TRAPPC12: variants seen among roughly 807,000 people sequenced by gnomAD.
TRAPPC12 encodes the protein trafficking protein particle complex subunit 12.
TRAPPC12 carries 61 observed loss-of-function variants against 69.2 expected under a neutral mutation model. That is an observed-to-expected ratio of 0.88 (90% confidence interval 0.72 to 1.09). The LOEUF (loss-of-function observed/expected upper bound fraction) is 1.09. Among genes scored for constraint, TRAPPC12 ranks in the 50% least tolerant of loss-of-function variants. TRAPPC12 has a pLI of 0.00. For synonymous variants in TRAPPC12, 469 were observed against 438.9 expected (o/e 1.07, Z -0.86); for missense variants, 1,101 against 1,016.4 (o/e 1.08, Z -1.13).
rs1036286581 is a variant in TRAPPC12, at chr2:3,388,466, G to T, written c.843G>T (p.Ala281=). The T allele has an allele frequency of 1.2e-6, 2 of 1,611,968 alleles. No homozygotes were observed. The highest frequency in any genetic ancestry group is 1.7e-6 in the Non-Finnish European group (2 of 1,179,408). ...AAPPASPEPF[A]HIQAVFAGSD... The stretch of plus-strand genomic sequence containing the variant: ...CCCCGGCGTCGCCAGAGCCTTTCGC[G>T]CACATCCAGGCAGTGTTTGCAGGGA... The change falls in exon 2 of 12, where the codon GCG becomes GCT. Residue 281 remains alanine, a synonymous_variant. Transcript: ENST00000324266.
chr2:3,455,896 A>C (rs1317317490), intron 6 of TRAPPC12: 1 of 152,114 alleles, frequency 6.6e-6, no homozygotes, highest in East Asian at 1.9e-4. Flanking sequence ...GTTGTATGGT[A>C]GCTCTATTTT....
chr2:3,428,499 T>C (rs1290999605), intron 5 of TRAPPC12, among the ~76,000 whole-genome samples: 3 of 152,304 alleles, frequency 2.0e-5, no homozygotes, highest in East Asian at 3.9e-4. Context: ...CTTTAATATA[T>C]TTCATGTAAA....
chr2:3,477,604 A>C (rs947438463), intron 9 of TRAPPC12, 91 bp from the exon 10 acceptor site: 3 of 665,870 alleles, frequency 4.5e-6, no homozygotes, highest in Middle Eastern at 3.8e-4. Context: ...AAATGTCTTC[A>C]TATTCTAACA....
chr2:3,463,878 G>A (rs1385446654), intron 8 of TRAPPC12, among the ~76,000 whole-genome samples: 3 of 152,164 alleles, frequency 2.0e-5, no homozygotes, highest in Non-Finnish European at 4.4e-5. Flanking sequence ...GTGCTCGGAA[G>A]CCTACTTCCT....
chr2:3,401,866 A>C lies in TRAPPC12; in HGVS notation c.1137A>C (p.Gln379His). The C allele has an allele frequency of 6.3e-7, 1 of 1,593,556 alleles. No homozygotes were observed. Among genetic ancestry groups the C allele is most frequent in the Non-Finnish European group, 8.5e-7 (1 of 1,172,080 alleles). The change falls in exon 3 of 12, where the codon CAA becomes CAC. Residue 379 changes from glutamine to histidine, a missense_variant. Coordinates refer to ENST00000324266, the MANE Select transcript of TRAPPC12 (RefSeq NM_016030.6). ...TCCTAAATGCCGACTCAGTGGAACA[A>C]TCTTTTGTTGGATTGAAACAGCTAA... ...RQVLNADSVE[Q>H]SFVGLKQLIS...
intron 1 of TRAPPC12, 55 bp from the exon 2 acceptor site, chr2:3,387,564 CG>C: frequency 7.5e-7 from 1 of 1,328,516 alleles, no homozygotes; most frequent in Non-Finnish European, 1.0e-6. Flanking sequence ...ACTCATTTTT[CG>C]GTTGAGGTGA....
intron 6 of TRAPPC12, chr2:3,456,903 A>T (rs1160558398): frequency 3.0e-6 from 1 of 335,276 alleles, no homozygotes; most frequent in African/African-American, 2.3e-5. Context: ...TACAGGCTTG[A>T]TGCTTTTCTT....
rs577940229 is a variant in TRAPPC12 at position 3,426,771 on chromosome 2, C to G, written c.1417+2108C>G. Reference sequence around the variant, plus strand: ...GAGCAGGGCTTTATCCATCCTCTCTCCCCCGGAGCAAGTCTCGTCTACGTC... The same window carrying G: ...GAGCAGGGCTTTATCCATCCTCTCTGCCCCGGAGCAAGTCTCGTCTACGTC... On this transcript the variant is annotated intron_variant, in intron 5 of 11. Coordinates refer to ENST00000324266, the MANE Select transcript of TRAPPC12 (RefSeq NM_016030.6). Among the ~76,000 whole-genome samples, 5 of 152,342 alleles carry G rather than the reference C, an allele frequency of 3.3e-5. No homozygotes were observed. In the East Asian group the frequency reaches 9.7e-4, roughly 29 times the overall value.
At chr2:3,478,022 C>G (rs1666370324) in intron 10 of TRAPPC12, 2 of 398,170 alleles carry the variant, frequency 5.0e-6, no homozygotes, top group South Asian at 1.5e-4. Context: ...CCCCCTTGTT[C>G]TTCAGAGAAG....
rs376532700 is a variant in TRAPPC12, at chr2:3,387,731, C to T, written c.108C>T (p.Ile36=). Residue 36 remains isoleucine (I), a synonymous_variant, in exon 2 of 12, where the codon ATC becomes ATT. Transcript: ENST00000324266. ...EQGLLFQEET[I]DLGGDEFGSE... Reference sequence around the variant, plus strand: ...GGTTGCTCTTCCAGGAGGAAACCATCGATCTTGGCGGAGATGAGTTTGGAT... The same window carrying T: ...GGTTGCTCTTCCAGGAGGAAACCATTGATCTTGGCGGAGATGAGTTTGGAT... 96 of 1,606,842 alleles carry T rather than the reference C, an allele frequency of 6.0e-5. No homozygotes were observed. The African/African-American group carries it at 1.2e-3, about 20-fold the overall frequency.
At chr2:3,401,223 G>A (rs1180059858) in intron 2 of TRAPPC12, among the ~76,000 whole-genome samples, 2 of 152,240 alleles carry the variant, frequency 1.3e-5, no homozygotes, top group Non-Finnish European at 2.9e-5. Flanking sequence ...CCTCAGCACT[G>A]AAGAGAGGGC....
At chr2:3,451,150 A>G (rs1436803485) in intron 6 of TRAPPC12, among the ~76,000 whole-genome samples, 1 of 152,154 alleles carries the variant, frequency 6.6e-6, no homozygotes, top group East Asian at 1.9e-4. Flanking sequence ...AAGGCGTGTA[A>G]TTTTCTTCAT....
In TRAPPC12 at chr2:3,387,763, A is replaced by G; in HGVS notation, c.140A>G (p.Glu47Gly). The G allele has an allele frequency of 6.2e-7, 1 of 1,612,834 alleles. No homozygotes were observed. The highest frequency in any genetic ancestry group is 2.2e-5 in the East Asian group (1 of 44,788). ...DLGGDEFGSE[E>G]NETASEGSSP... ...GGCGGAGATGAGTTTGGATCCGAAG[A>G]GAACGAGACCGCATCGGAAGGCTCG... Residue 47 changes from glutamate to glycine, a missense_variant, in exon 2 of 12, where the codon GAG (glutamate) becomes GGG (glycine). Glu to Gly is a moderately conservative substitution (Grantham distance 98). Transcript: ENST00000324266.
chr2:3,380,691 C>T (rs1452638872), intron 1 of TRAPPC12, among the ~76,000 whole-genome samples: 1 of 152,180 alleles, frequency 6.6e-6, no homozygotes, highest in Non-Finnish European at 1.5e-5. Flanking sequence ...TGAAATATTA[C>T]ACAGTGTTAC....
intron 3 of TRAPPC12, among the ~76,000 whole-genome samples, chr2:3,420,742 G>A (rs955695102): frequency 3.9e-5 from 6 of 152,192 alleles, no homozygotes; most frequent in South Asian, 2.1e-4. Context: ...CCTCCTAGGC[G>A]TTTCATGAGC....
Position 3,388,620 on chromosome 2 carries a change from G to C in TRAPPC12, c.997G>C (p.Val333Leu). The C allele has an allele frequency of 1.3e-6, 2 of 1,596,696 alleles. No individual in the cohort carries two copies. ...CACCCAGCAGCGCGGCGCCGTGTTCGTGGACAAGGAGAACCTCACCATGCC... is the reference window on the plus strand; with the variant it reads ...CACCCAGCAGCGCGGCGCCGTGTTCCTGGACAAGGAGAACCTCACCATGCC... The part of the protein sequence containing the change: ...VATQQRGAVF[V>L]DKENLTMPGL... Residue 333 changes from valine (V) to leucine (L), a missense_variant, in exon 2 of 12, where the codon GTG becomes CTG. Transcript: ENST00000324266.
intron 2 of TRAPPC12, among the ~76,000 whole-genome samples, chr2:3,397,603 G>A (rs1661207677): frequency 2.0e-5 from 3 of 152,102 alleles, no homozygotes; most frequent in African/African-American, 7.2e-5. Flanking sequence ...CTAGATCTCT[G>A]GATATAAGAA....
intron 3 of TRAPPC12, among the ~76,000 whole-genome samples, chr2:3,413,177 A>G (rs1662154626): frequency 6.6e-6 from 1 of 152,160 alleles, no homozygotes; most frequent in South Asian, 2.1e-4. Context: ...TTGTCTAACC[A>G]CTGCATACCC....
rs764090427 is a variant in TRAPPC12, at chr2:3,460,273, G to C, written c.1614G>C (p.Arg538=). The C allele has an allele frequency of 4.6e-6, 4 of 873,782 alleles. No homozygotes were observed. Among genetic ancestry groups the C allele is most frequent in the East Asian group, 4.8e-5 (2 of 41,704 alleles). 54.1% of individuals were successfully genotyped at this position (873,782 alleles called of 1,614,324 possible). A position where few individuals can be genotyped will look rare whatever the true frequency, so the allele number is the denominator to read the frequency against. ...VTQEGRQASI[R]LWRSRLGRVM... The stretch of plus-strand genomic sequence containing the variant: ...GCTCTTACCTTGTAGCCTCTATCCG[G>C]CTGTGGAGGTCACGTCTGGGCCGGG... The change falls in exon 8 of 12, where the codon CGG becomes CGC. Residue 538 remains arginine (R), a synonymous_variant. Transcript: ENST00000324266.
Sources: allele counts gnomAD v4.1 joint callset (sites outside exome capture counted in the v4.1 genomes callset), GRCh38; gene constraint gnomAD v4.1.1; transcripts MANE v1.5; gene names NCBI Gene and HGNC (gene_info 2026-07-23, HGNC 2026-07-21).